TEAD2: variants seen among roughly 807,000 people sequenced by gnomAD.
The protein encoded by TEAD2 is transcriptional enhancer factor TEF-4.
In TEAD2, 51 loss-of-function variants were observed where a neutral mutation model predicts 61.4. The ratio of observed to expected loss-of-function variants is 0.83; its 90% CI spans 0.66 to 1.05. The LOEUF is 1.05. Among genes scored for constraint, TEAD2 ranks in the 50% least tolerant of loss-of-function variants. The pLI, the probability that TEAD2 is intolerant of heterozygous loss-of-function variation, is 0.00. For synonymous variants in TEAD2, 244 were observed against 243.2 expected, an observed-to-expected ratio of 1.00 and a Z score of -0.03; for missense variants, 509 against 600.0, an observed-to-expected ratio of 0.85 and a Z score of 1.58.
At chr19:49,347,169 G>A in intron 10 of TEAD2, 21 bp downstream of exon 10, 1 of 1,610,910 alleles carries the variant, frequency 6.2e-7, no homozygotes, top group South Asian at 1.1e-5. Flanking sequence ...GAGCACTTTT[G>A]ATTTTGCTGT....
chr19:49,351,263 A>G (rs1261895212), intron 8 of TEAD2, 38 bp downstream of exon 8: 1 of 1,587,754 alleles, frequency 6.3e-7, no homozygotes, highest in African/African-American at 1.3e-5. Context: ...TCGAAGAGAG[A>G]GAGGGGAGAC....
chr19:49,347,117 T>C, intron 10 of TEAD2, 73 bp downstream of exon 10: 2 of 1,570,660 alleles, frequency 1.3e-6, no homozygotes, highest in Non-Finnish European at 1.7e-6. Flanking sequence ...CGACAGATTC[T>C]CTCAGGGCCA....
At chr19:49,361,155 C>CG (rs1555786509) in intron 1 of TEAD2, among the ~76,000 whole-genome samples, 665 of 45,822 alleles carry the variant, frequency 0.015, 16 homozygotes, top group African/African-American at 0.038. Flanking sequence ...GGACAGAGAC[C>CG]GGGGGGGGGG....
chr19:49,355,830 A>G, intron 5 of TEAD2, 129 bp downstream of exon 5: 1 of 892,476 alleles, frequency 1.1e-6, no homozygotes, highest in Non-Finnish European at 1.5e-6. Context: ...TGTCTCCAAA[A>G]AGAAAAAAAA....
chr19:49,360,639 CCT>C (rs1197652983), intron 1 of TEAD2, among the ~76,000 whole-genome samples: 1 of 151,824 alleles, frequency 6.6e-6, no homozygotes, highest in Non-Finnish European at 1.5e-5. Context: ...TGAAACTTCC[CCT>C]GTCCCACCCC....
chr19:49,352,216 A>C (rs1972070479), intron 7 of TEAD2, among the ~76,000 whole-genome samples: 1 of 152,208 alleles, frequency 6.6e-6, no homozygotes. Context: ...AATCTGTGCC[A>C]TCCAATACGG....
At chr19:49,354,784 G>C (rs1459336574) in intron 7 of TEAD2, among the ~76,000 whole-genome samples, 1 of 152,162 alleles carries the variant, frequency 6.6e-6, no homozygotes, top group East Asian at 1.9e-4. Context: ...TGGATCACGA[G>C]GTCAGGAGTT....
Position 49,359,048 on chromosome 19 carries a change from G to A in TEAD2, c.297+387C>T, listed in dbSNP as rs536346074. On this transcript the variant is annotated intron_variant, in intron 3 of 12. Transcript: ENST00000593945. The surrounding 1 kb of genome is among the most constrained non-coding windows in gnomAD (Gnocchi z 4.1). Reference sequence around the variant, plus strand: ...GAGGTCAGGAGTTCGAGACCAGCCTGGACAACATGGTGAAACCCCATCTCT... The same window carrying A: ...GAGGTCAGGAGTTCGAGACCAGCCTAGACAACATGGTGAAACCCCATCTCT... Among the ~76,000 whole-genome samples, 27 of 151,942 alleles carry A rather than the reference G, an allele frequency of 1.8e-4. No homozygotes were observed. In the South Asian group the frequency reaches 5.2e-3, roughly 29 times the overall value.
intron 8 of TEAD2, 152 bp from the exon 9 acceptor site, chr19:49,348,997 C>T (rs1439441291): frequency 1.8e-5 from 17 of 925,188 alleles, no homozygotes; most frequent in African/African-American, 3.5e-5. Flanking sequence ...CCATGTGACA[C>T]AGTCCTAGCC....
intron 7 of TEAD2, among the ~76,000 whole-genome samples, chr19:49,353,098 T>C (rs1483763128): frequency 1.3e-5 from 2 of 151,882 alleles, no homozygotes; most frequent in Non-Finnish European, 2.9e-5. Flanking sequence ...CCCACTCCCA[T>C]TCTTTTTTTT....
intron 7 of TEAD2, among the ~76,000 whole-genome samples, 191 bp downstream of exon 7, chr19:49,354,957 C>G (rs752402770): frequency 1.3e-5 from 2 of 152,172 alleles, no homozygotes; most frequent in Non-Finnish European, 2.9e-5. Flanking sequence ...GAGATCGCAC[C>G]ACTGTACTCC....
chr19:49,351,351 G>A lies in TEAD2; in HGVS notation c.554C>T (p.Ser185Leu). The change falls in exon 8 of 13, where the codon TCA becomes TTA. Residue 185 changes from serine to leucine, a missense_variant. Coordinates refer to ENST00000593945, the MANE Select transcript of TEAD2 (RefSeq NM_001256660.2). ...CAGTGACAAGGTGAACGGTGTCTGT[G>A]AGAATGGCTTCACACTGAGGGAAAA... Reference protein sequence around the residue: ...PWNVPDVKPFSQTPFTLSLTP... With the variant: ...PWNVPDVKPFLQTPFTLSLTP... 1 of 1,612,166 alleles carries A rather than the reference G, an allele frequency of 6.2e-7. No individual in the cohort carries two copies.
chr19:49,345,715 C>T (rs770987282), intron 10 of TEAD2, among the ~76,000 whole-genome samples: 2 of 152,082 alleles, frequency 1.3e-5, no homozygotes, highest in Non-Finnish European at 2.9e-5. Flanking sequence ...ACTAGCACCC[C>T]CTAAACATCC....
chr19:49,342,690 C>T, intron 11 of TEAD2, 100 bp from the exon 12 acceptor site: 1 of 1,423,952 alleles, frequency 7.0e-7, no homozygotes, highest in Non-Finnish European at 9.7e-7. Flanking sequence ...TGCCACCACA[C>T]TCACTCTCAC....
intron 8 of TEAD2, among the ~76,000 whole-genome samples, chr19:49,350,730 T>A (rs994572113): frequency 6.6e-6 from 1 of 152,070 alleles, no homozygotes; most frequent in Non-Finnish European, 1.5e-5. Context: ...CCATGTCTCA[T>A]AAGCTAGCAA....
At position 49,360,022 on chromosome 19, in the gene TEAD2, G is replaced by A. The variant is rs774467954; in HGVS notation, c.54C>T (p.Gly18=). ...TACCCTCCTCACTGCCTTCCTCACT[G>A]CCCGTCCAGCCGCTGCCATCGTCCA... ...AALDDGSGWT[G]SEEGSEEGTG... Residue 18 remains glycine, a synonymous_variant, in exon 2 of 13, where the codon GGC becomes GGT. Coordinates refer to ENST00000593945, the MANE Select transcript of TEAD2 (RefSeq NM_001256660.2). The A allele has an allele frequency of 5.0e-6, 8 of 1,608,632 alleles. No homozygotes were observed. The highest frequency in any genetic ancestry group is 2.2e-5 in the East Asian group (1 of 44,888).
intron 7 of TEAD2, among the ~76,000 whole-genome samples, chr19:49,354,709 C>T (rs1256360581): frequency 6.6e-6 from 1 of 151,548 alleles, no homozygotes; most frequent in African/African-American, 2.4e-5. Context: ...CCAAGAACCA[C>T]CTAATAGAGG....
rs996843675 is a variant in TEAD2, at chr19:49,344,380, A to G, written c.922-982T>C. On this transcript the variant is annotated intron_variant, in intron 10 of 12. Transcript: ENST00000593945. ...ACTGCAACCTCTGCCTCCCGGGTTC[A>G]AGCGATTCTCCTGCCTCAGCCTCCC... Among the ~76,000 whole-genome samples the G allele has an allele frequency of 2.0e-5, 3 of 151,946 alleles. 1 individual carries two copies. The highest frequency in any genetic ancestry group is 4.8e-5 in the African/African-American group (2 of 41,358).
chr19:49,345,994 G>A (rs1208055259), intron 10 of TEAD2, among the ~76,000 whole-genome samples: 3 of 151,334 alleles, frequency 2.0e-5, no homozygotes, highest in African/African-American at 4.9e-5. Flanking sequence ...ACGAAACTCC[G>A]TCTCTACTAA....
Sources: allele counts gnomAD v4.1 joint callset (sites outside exome capture counted in the v4.1 genomes callset), GRCh38; gene constraint gnomAD v4.1.1; non-coding constraint Gnocchi (gnomAD v3.1); transcripts MANE v1.5; gene names NCBI Gene and HGNC (gene_info 2026-07-23, HGNC 2026-07-21).